Variants in UTRN observed in about 807,000 individuals in gnomAD.
UTRN encodes the protein utrophin.
In UTRN, 283 loss-of-function variants were observed where a neutral mutation model predicts 463.9. The observed-to-expected ratio is 0.61, with a 90% CI of 0.55 to 0.67. UTRN has a LOEUF of 0.67. Ranked by LOEUF, UTRN falls within the 30% of genes least tolerant of loss-of-function variation. The pLI is 0.00. For missense variants in UTRN, 3,922 were observed against 4,084.3 expected (o/e 0.96, Z 1.08); for synonymous variants, 1,442 against 1,431.5 (o/e 1.01, Z -0.17).
chr6:144,559,696 T>C (rs1391735484), intron 50 of UTRN, among the ~76,000 whole-genome samples: 1 of 152,102 alleles, frequency 6.6e-6, no homozygotes, highest in African/African-American at 2.4e-5. Context: ...AAGGAGCCTG[T>C]GTAGACTCAT....
intron 46 of UTRN, among the ~76,000 whole-genome samples, chr6:144,543,417 A>G (rs1798149006): frequency 6.6e-6 from 1 of 152,164 alleles, no homozygotes; most frequent in Non-Finnish European, 1.5e-5. Context: ...CTTTATCCAG[A>G]TTAGATCGCA....
intron 53 of UTRN, among the ~76,000 whole-genome samples, chr6:144,723,683 A>G (rs1450407227): frequency 6.6e-6 from 1 of 152,156 alleles, no homozygotes; most frequent in Non-Finnish European, 1.5e-5. Flanking sequence ...TACTTTGCAT[A>G]TGCATTGGGG....
At chr6:144,696,066 C>T (rs1343857858) in intron 52 of UTRN, among the ~76,000 whole-genome samples, 1 of 152,120 alleles carries the variant, frequency 6.6e-6, no homozygotes, top group East Asian at 1.9e-4. Context: ...ATTCAGGGCA[C>T]CTTTTTAAAA....
At chr6:144,555,072 G>A (rs1799258945) in intron 49 of UTRN, among the ~76,000 whole-genome samples, 179 bp downstream of exon 49, 1 of 151,896 alleles carries the variant, frequency 6.6e-6, no homozygotes, top group African/African-American at 2.4e-5. Context: ...AATTTCTGGA[G>A]GCATAACAAG....
In UTRN at chr6:144,285,490, C is replaced by G. The variant is rs990000614; in HGVS notation, c.-424C>G. On this transcript the variant is annotated 5_prime_UTR_variant, in exon 1 of 75. Coordinates refer to ENST00000367545, the MANE Select transcript of UTRN (RefSeq NM_007124.3). ...GGGTCATTTCTGCAAACGGAAAACT[C>G]TGTAGCGTTTGGCAAAGTTGGTGCC... Among the ~76,000 whole-genome samples, 3 of 152,198 alleles carry G rather than the reference C, an allele frequency of 2.0e-5. No homozygotes were observed. The highest frequency in any genetic ancestry group is 7.2e-5 in the African/African-American group (3 of 41,456).
intron 35 of UTRN, among the ~76,000 whole-genome samples, chr6:144,512,267 G>A (rs1189839313): frequency 6.6e-6 from 1 of 151,922 alleles, no homozygotes; most frequent in Non-Finnish European, 1.5e-5. Context: ...TTAATTACTA[G>A]CTTTATTTCA....
At chr6:144,609,220 A>G (rs1031664465) in intron 51 of UTRN, among the ~76,000 whole-genome samples, 28 of 152,336 alleles carry the variant, frequency 1.8e-4, no homozygotes, top group Admixed American at 3.9e-4. Flanking sequence ...CCTAATAAGC[A>G]TGTACATAGA....
At chr6:144,462,570 CTT>C in intron 22 of UTRN, 82 bp from the exon 23 acceptor site, 1 of 1,306,630 alleles carries the variant, frequency 7.7e-7, no homozygotes, top group African/African-American at 1.5e-5. Flanking sequence ...TTTAAAGTGA[CTT>C]TTGACTTTAT....
intron 60 of UTRN, among the ~76,000 whole-genome samples, chr6:144,777,926 A>T (rs1775476071): frequency 6.6e-6 from 1 of 152,212 alleles, no homozygotes; most frequent in Non-Finnish European, 1.5e-5. Flanking sequence ...AAATTTCCTT[A>T]AAGTTAATTT....
At chr6:144,334,454 C>T (rs972445081) in intron 2 of UTRN, among the ~76,000 whole-genome samples, 1 of 151,838 alleles carries the variant, frequency 6.6e-6, no homozygotes, top group Non-Finnish European at 1.5e-5. Flanking sequence ...TGTCATCTGT[C>T]GCCGAAAGAC....
chr6:144,402,286 G>T (rs1177003295), intron 2 of UTRN, among the ~76,000 whole-genome samples: 1 of 152,140 alleles, frequency 6.6e-6, no homozygotes, highest in Non-Finnish European at 1.5e-5. Flanking sequence ...TTACAGATGA[G>T]AACTGTGAGG....
Position 144,819,009 on chromosome 6 carries a change from A to G in UTRN, c.9358-1873A>G, listed in dbSNP as rs540421482. Among the ~76,000 whole-genome samples the G allele has an allele frequency of 2.4e-4, 36 of 151,192 alleles. No individual in the cohort carries two copies. In the South Asian group the frequency reaches 3.3e-3, roughly 14 times the overall value. On this transcript the variant is annotated intron_variant, in intron 65 of 74. Coordinates refer to ENST00000367545, the MANE Select transcript of UTRN (RefSeq NM_007124.3). ...TTGAATTCTTTTTCTTTTCATGAATACCTTTTTCTTCTGCACTTTTGCTTT... is the reference window on the plus strand; with the variant it reads ...TTGAATTCTTTTTCTTTTCATGAATGCCTTTTTCTTCTGCACTTTTGCTTT...
intron 73 of UTRN, among the ~76,000 whole-genome samples, chr6:144,842,988 TATTA>T (rs1217120704): frequency 6.6e-6 from 1 of 152,232 alleles, no homozygotes; most frequent in South Asian, 2.1e-4. Flanking sequence ...AAAACTAGTT[TATTA>T]ATTATAATTC....
At chr6:144,549,182 C>T (rs1260511417) in intron 47 of UTRN, among the ~76,000 whole-genome samples, 1 of 152,202 alleles carries the variant, frequency 6.6e-6, no homozygotes, top group African/African-American at 2.4e-5. Context: ...GGATAATCTC[C>T]TAAAGTGCCT....
At chr6:144,403,461 A>C (rs966167137) in intron 3 of UTRN, among the ~76,000 whole-genome samples, 1 of 152,198 alleles carries the variant, frequency 6.6e-6, no homozygotes, top group Non-Finnish European at 1.5e-5. Context: ...TCCTGGGTAC[A>C]TCTTGGAAAA....
chr6:144,405,470 TG>T (rs1307955155), intron 3 of UTRN, among the ~76,000 whole-genome samples: 1 of 152,076 alleles, frequency 6.6e-6, no homozygotes, highest in African/African-American at 2.4e-5. Flanking sequence ...TACTAGGTAA[TG>T]CGAGGATAGA....
Position 144,841,430 on chromosome 6 carries a change from A to G in UTRN, c.10270+598A>G, listed in dbSNP as rs1329161740. On this transcript the variant is annotated intron_variant, in intron 73 of 74. Coordinates refer to ENST00000367545, the MANE Select transcript of UTRN (RefSeq NM_007124.3). Reference sequence around the variant, plus strand: ...CCATCTGAACAACCAAGAGCCAGAAAATAACCAAATTCCTGGGGAAATTAT... The same window carrying G: ...CCATCTGAACAACCAAGAGCCAGAAGATAACCAAATTCCTGGGGAAATTAT... Among the ~76,000 whole-genome samples, 3 of 152,206 alleles carry G rather than the reference A, an allele frequency of 2.0e-5. No individual in the cohort carries two copies. The East Asian group carries it at 5.8e-4, about 29-fold the overall frequency.
At chr6:144,846,652 T>A (rs1480698403) in intron 73 of UTRN, among the ~76,000 whole-genome samples, 153 bp from the exon 74 acceptor site, 1 of 151,958 alleles carries the variant, frequency 6.6e-6, no homozygotes, top group African/African-American at 2.4e-5. Context: ...AAAAAAAATG[T>A]GTTTCTTGTT....
chr6:144,673,273 A>G (rs1353999475), intron 51 of UTRN, among the ~76,000 whole-genome samples: 1 of 152,100 alleles, frequency 6.6e-6, no homozygotes, highest in Admixed American at 6.6e-5. Flanking sequence ...TCAGTGGAAT[A>G]TTGAAGTCCC....
Sources: allele counts gnomAD v4.1 joint callset (sites outside exome capture counted in the v4.1 genomes callset), GRCh38; gene constraint gnomAD v4.1.1; transcripts MANE v1.5; gene names NCBI Gene and HGNC (gene_info 2026-07-23, HGNC 2026-07-21).